The following RPH3A variants were observed in gnomAD, a reference collection of about 807,000 sequenced individuals.
The protein encoded by RPH3A is rabphilin-3A.
In RPH3A, 48 loss-of-function variants were observed where a neutral mutation model predicts 102.2. The observed-to-expected ratio is 0.47, with a 90% confidence interval of 0.37 to 0.60. The LOEUF is 0.60. Among genes scored for constraint, RPH3A ranks in the 20% least tolerant of loss-of-function variants. The pLI, the probability that RPH3A is intolerant of heterozygous loss-of-function variation, is 0.00. For missense variants in RPH3A, 781 were observed against 910.1 expected, an observed-to-expected ratio of 0.86 and a Z score of 1.83; for synonymous variants, 310 against 324.3, an observed-to-expected ratio of 0.96 and a Z score of 0.47.
intron 1 of RPH3A, among the ~76,000 whole-genome samples, chr12:112,786,746 G>A (rs1351673269): frequency 6.6e-6 from 1 of 152,182 alleles, no homozygotes; most frequent in African/African-American, 2.4e-5. Context: ...AAGCCGATTT[G>A]CTATGGGCTT....
chr12:112,647,530 T>C (rs553851575), intron 1 of RPH3A, among the ~76,000 whole-genome samples: 19 of 152,254 alleles, frequency 1.2e-4, no homozygotes, highest in African/African-American at 4.3e-4. Flanking sequence ...GTAAATTTCA[T>C]GCTGCAATCA....
chr12:112,672,489 A>T (rs926366756), intron 1 of RPH3A, among the ~76,000 whole-genome samples: 2 of 152,202 alleles, frequency 1.3e-5, no homozygotes, highest in East Asian at 3.8e-4. Flanking sequence ...TCTCTGAGCT[A>T]TGTCATTTCA....
intron 5 of RPH3A, among the ~76,000 whole-genome samples, chr12:112,863,060 C>T (rs1271475799): frequency 1.3e-5 from 2 of 152,086 alleles, no homozygotes; most frequent in African/African-American, 4.8e-5. Context: ...GAGATGACTT[C>T]AAGCTGGTGG....
At chr12:112,877,888 G>A (rs1451516575) in intron 13 of RPH3A, among the ~76,000 whole-genome samples, 3 of 152,248 alleles carry the variant, frequency 2.0e-5, no homozygotes, top group African/African-American at 7.2e-5. Context: ...TATTCTGAGT[G>A]TATTCTGTGC....
chr12:112,768,099 A>G (rs748637249), intron 1 of RPH3A, among the ~76,000 whole-genome samples: 2 of 152,204 alleles, frequency 1.3e-5, no homozygotes, highest in East Asian at 1.9e-4. Context: ...TAAAATGATG[A>G]ATGTTATGGT....
At chr12:112,648,515 G>A (rs915474615) in intron 1 of RPH3A, among the ~76,000 whole-genome samples, 16 of 132,164 alleles carry the variant, frequency 1.2e-4, no homozygotes, top group African/African-American at 4.3e-4. Flanking sequence ...TGGGACGATC[G>A]CTGAGCCCAG....
At chr12:112,619,513 C>T (rs2039706815) in intron 1 of RPH3A, among the ~76,000 whole-genome samples, 1 of 152,084 alleles carries the variant, frequency 6.6e-6, no homozygotes, top group Non-Finnish European at 1.5e-5. Context: ...GAACTCCTGA[C>T]CTCAAGTGAT....
chr12:112,848,549 T>A (rs1268202247), intron 5 of RPH3A, among the ~76,000 whole-genome samples: 1 of 152,122 alleles, frequency 6.6e-6, no homozygotes, highest in Non-Finnish European at 1.5e-5. Flanking sequence ...GAAATAACAG[T>A]AATTATCCTA....
chr12:112,739,946 C>T (rs913438155), intron 1 of RPH3A, among the ~76,000 whole-genome samples: 1 of 152,114 alleles, frequency 6.6e-6, no homozygotes, highest in Non-Finnish European at 1.5e-5. Context: ...CCCTTCATCC[C>T]CCCCCAGCCT....
At chr12:112,805,929 T>A (rs1312167792) in intron 2 of RPH3A, among the ~76,000 whole-genome samples, 2 of 152,174 alleles carry the variant, frequency 1.3e-5, no homozygotes, top group Non-Finnish European at 2.9e-5. Flanking sequence ...TGTCTCTCCC[T>A]CCAAAAAATG....
intron 3 of RPH3A, 80 bp downstream of exon 3, chr12:112,828,469 G>T: frequency 9.3e-7 from 1 of 1,072,270 alleles, no homozygotes; most frequent in Non-Finnish European, 1.4e-6. Context: ...AAAAAAGAAG[G>T]AATAGCTTCC....
chr12:112,592,068 T>C (rs558359853), intron 1 of RPH3A, among the ~76,000 whole-genome samples: 1 of 152,282 alleles, frequency 6.6e-6, no homozygotes, highest in East Asian at 1.9e-4. Flanking sequence ...GTAAATGCTA[T>C]GTAAATAGTT....
intron 2 of RPH3A, among the ~76,000 whole-genome samples, chr12:112,813,651 G>A (rs1445356739): frequency 6.6e-6 from 1 of 152,194 alleles, no homozygotes; most frequent in Admixed American, 6.5e-5. Context: ...CCTGGACAAT[G>A]CCTAGTGAGG....
At chr12:112,847,994 C>T (rs1465515863) in intron 5 of RPH3A, 152 bp downstream of exon 5, 3 of 745,138 alleles carry the variant, frequency 4.0e-6, no homozygotes, top group Non-Finnish European at 4.3e-6. Flanking sequence ...GCCCCACCCC[C>T]TTCCCCACTG....
intron 2 of RPH3A, among the ~76,000 whole-genome samples, chr12:112,816,294 T>A (rs915869295): frequency 2.0e-5 from 3 of 152,192 alleles, no homozygotes; most frequent in African/African-American, 7.2e-5. Context: ...CAAGATCAAA[T>A]AAGACGTTGC....
intron 17 of RPH3A, among the ~76,000 whole-genome samples, 193 bp from the exon 18 acceptor site, chr12:112,889,831 C>T (rs543246109): frequency 6.6e-6 from 1 of 152,278 alleles, no homozygotes; most frequent in South Asian, 2.1e-4. Flanking sequence ...GTTACACATT[C>T]ACATAGCTTG....
chr12:112,633,445 TTAATGGAC>T (rs1161822033), intron 1 of RPH3A, among the ~76,000 whole-genome samples: 3 of 152,036 alleles, frequency 2.0e-5, no homozygotes, highest in Admixed American at 2.0e-4. Context: ...GATTAATGGA[TTAATGGAC>T]TAATGGACTA....
rs1178409191 is a variant in RPH3A, at chr12:112,836,447, C to A, written c.72-44C>A. 8 of 1,246,236 alleles carry A rather than the reference C, an allele frequency of 6.4e-6. No individual in the cohort carries two copies. The Admixed American group carries it at 1.4e-4, about 21-fold the overall frequency. 77.2% of individuals were successfully genotyped at this position (1,246,236 alleles called of 1,614,324 possible). On this transcript the variant is annotated intron_variant, in intron 3 of 21. Transcript: ENST00000389385. Reference sequence around the variant, plus strand: ...GATATTGTTATGATTTCTTACCTAACTTTATTCATTTTTTCTTTCTCTCCT... The same window carrying A: ...GATATTGTTATGATTTCTTACCTAAATTTATTCATTTTTTCTTTCTCTCCT...
Position 112,869,570 on chromosome 12 carries a change from T to C in RPH3A, c.611-189T>C, listed in dbSNP as rs569719176. ...GCCTGTGTATGCTCATATGTGTTTG[T>C]GCATGCAAAAAAAAATGTGAAATTG... is the stretch of plus-strand genomic sequence containing the variant. On this transcript the variant is annotated intron_variant, in intron 8 of 21. Coordinates refer to ENST00000389385, the MANE Select transcript of RPH3A (RefSeq NM_001143854.2). 7.2e-4 allele frequency: 443 copies of C among 611,652 alleles called. 1 individual carries two copies. The highest frequency in any genetic ancestry group is 2.0e-3 in the Admixed American group (69 of 33,984). The allele number at this position is 611,652 out of a possible 1,614,324, so 37.9% of individuals were successfully genotyped here.
Sources: allele counts gnomAD v4.1 joint callset (sites outside exome capture counted in the v4.1 genomes callset), GRCh38; gene constraint gnomAD v4.1.1; transcripts MANE v1.5; gene names NCBI Gene and HGNC (gene_info 2026-07-23, HGNC 2026-07-21).